Variants in EBF2 observed in about 807,000 individuals in gnomAD.
EBF2 encodes the protein EBF transcription factor 2, also known as transcription factor COE2.
A neutral mutation model predicts 72.8 loss-of-function variants in EBF2; 21 were observed. The ratio of observed to expected loss-of-function variants is 0.29; its 90% CI spans 0.20 to 0.42. The LOEUF (loss-of-function observed/expected upper bound fraction) is 0.42. Among genes scored for constraint, EBF2 ranks in the 10% least tolerant of loss-of-function variants. The pLI is 1.00. For missense variants in EBF2, 637 were observed against 731.2 expected, an observed-to-expected ratio of 0.87 and a Z score of 1.49; for synonymous variants, 299 against 274.2, an observed-to-expected ratio of 1.09 and a Z score of -0.89.
intron 6 of EBF2, among the ~76,000 whole-genome samples, chr8:25,979,815 C>T (rs1160498601): frequency 6.6e-6 from 1 of 152,032 alleles, no homozygotes; most frequent in East Asian, 1.9e-4. Flanking sequence ...AATCCCAGTA[C>T]AGATAAAGGG....
At chr8:25,906,665 G>A (rs369422487) in intron 7 of EBF2, among the ~76,000 whole-genome samples, 10 of 152,148 alleles carry the variant, frequency 6.6e-5, no homozygotes, top group African/African-American at 1.4e-4. Flanking sequence ...TACTCAGGAG[G>A]GTGAGGCAGG....
At chr8:25,995,752 ATAG>A (rs1208244206) in intron 6 of EBF2, among the ~76,000 whole-genome samples, 3 of 152,142 alleles carry the variant, frequency 2.0e-5, no homozygotes, top group Non-Finnish European at 4.4e-5. Flanking sequence ...CACAAAACTA[ATAG>A]TAGGCGATAT....
At chr8:25,920,971 G>T (rs890240609) in intron 6 of EBF2, among the ~76,000 whole-genome samples, 7 of 152,114 alleles carry the variant, frequency 4.6e-5, no homozygotes, top group Non-Finnish European at 8.8e-5. Flanking sequence ...TAGAGAAACC[G>T]AGATGGTAAT....
intron 7 of EBF2, among the ~76,000 whole-genome samples, chr8:25,890,660 C>T (rs752347015): frequency 7.9e-5 from 12 of 152,186 alleles, no homozygotes; most frequent in Non-Finnish European, 1.3e-4. Context: ...GAGATATAGG[C>T]ACACATCCCT....
chr8:26,002,726 C>T (rs1046076386), intron 6 of EBF2, among the ~76,000 whole-genome samples: 21 of 152,132 alleles, frequency 1.4e-4, no homozygotes, highest in African/African-American at 3.9e-4. Context: ...AGTAATGGCC[C>T]GATTCTTCCC....
intron 6 of EBF2, among the ~76,000 whole-genome samples, chr8:25,948,081 A>G (rs1291777059): frequency 6.6e-6 from 1 of 152,214 alleles, no homozygotes; most frequent in African/African-American, 2.4e-5. Flanking sequence ...GCATTCATTC[A>G]TTCATTCATT....
rs76172524 is a variant in EBF2 at position 25,991,323 on chromosome 8, A to G, written c.551+41762T>C. ...AGCAAGAATATATCACAGAAATCCA[A>G]TCACAATAAGCCTCACAGAGAGAAG... On this transcript the variant is annotated intron_variant, in intron 6 of 15. Transcript: ENST00000520164. 9.8e-3 allele frequency among the ~76,000 whole-genome samples: 1,495 copies of G among 152,330 alleles called. 18 individuals are homozygous for G. Among genetic ancestry groups the G allele is most frequent in the South Asian group, 0.024 (118 of 4,824 alleles).
At chr8:25,963,443 C>G (rs1257561341) in intron 6 of EBF2, among the ~76,000 whole-genome samples, 1 of 152,216 alleles carries the variant, frequency 6.6e-6, no homozygotes, top group Admixed American at 6.5e-5. Context: ...ATACTTCTTT[C>G]CATCATTAAT....
intron 6 of EBF2, among the ~76,000 whole-genome samples, chr8:26,010,995 ACACAC>A (rs1229197327): frequency 1.1e-4 from 1 of 8,720 alleles, no homozygotes; most frequent in Non-Finnish European, 2.3e-4. Flanking sequence ...GCATACACAC[ACACAC>A]ACACACACAC....
intron 6 of EBF2, among the ~76,000 whole-genome samples, chr8:25,930,180 A>T (rs773127678): frequency 6.6e-6 from 1 of 152,130 alleles, no homozygotes; most frequent in African/African-American, 2.4e-5. Flanking sequence ...AGAATCAGGT[A>T]TACTTCTTGA....
intron 6 of EBF2, among the ~76,000 whole-genome samples, chr8:25,998,349 A>C (rs963111747): frequency 6.6e-6 from 1 of 152,236 alleles, no homozygotes; most frequent in Non-Finnish European, 1.5e-5. Flanking sequence ...TCAGGAGAAG[A>C]GAGAAACTGG....
chr8:25,882,542 G>A (rs1802621641), intron 10 of EBF2, among the ~76,000 whole-genome samples: 1 of 152,052 alleles, frequency 6.6e-6, no homozygotes, highest in Non-Finnish European at 1.5e-5. Flanking sequence ...TCAGTAAATG[G>A]TATAAACCCA....
At chr8:25,947,030 A>G (rs1465328405) in intron 6 of EBF2, among the ~76,000 whole-genome samples, 1 of 152,172 alleles carries the variant, frequency 6.6e-6, no homozygotes, top group African/African-American at 2.4e-5. Context: ...TCTTGCCTGA[A>G]TTACTGATAA....
intron 6 of EBF2, among the ~76,000 whole-genome samples, chr8:25,945,122 A>C: frequency 9.6e-6 from 1 of 103,810 alleles, no homozygotes; most frequent in African/African-American, 3.9e-5. Flanking sequence ...CCTATGTTCC[A>C]AGCTTCTTCA....
At chr8:26,039,446 C>G (rs915290642) in intron 5 of EBF2, among the ~76,000 whole-genome samples, 1 of 152,296 alleles carries the variant, frequency 6.6e-6, no homozygotes. Context: ...CTGGACTGAT[C>G]TTTCTTCCAG....
intron 6 of EBF2, among the ~76,000 whole-genome samples, chr8:25,983,271 G>T (rs1035701962): frequency 6.6e-6 from 1 of 152,126 alleles, no homozygotes; most frequent in African/African-American, 2.4e-5. Flanking sequence ...CATTGAGTGT[G>T]AAAGTTAAAA....
intron 6 of EBF2, among the ~76,000 whole-genome samples, chr8:26,031,190 T>G (rs974417814): frequency 6.6e-6 from 1 of 152,018 alleles, no homozygotes; most frequent in African/African-American, 2.4e-5. Flanking sequence ...AAGCTAAAGA[T>G]AGTGGAAAAG....
At chr8:25,858,943 G>C (rs1024335197) in intron 13 of EBF2, among the ~76,000 whole-genome samples, 1 of 152,204 alleles carries the variant, frequency 6.6e-6, no homozygotes, top group East Asian at 1.9e-4. Context: ...ACAGGTGTGA[G>C]CCAGTGCGCC....
intron 10 of EBF2, among the ~76,000 whole-genome samples, chr8:25,882,345 A>C (rs2117285046): frequency 6.6e-6 from 1 of 152,222 alleles, no homozygotes; most frequent in African/African-American, 2.4e-5. Context: ...GAATAATATA[A>C]ATAATAAACC....
Sources: allele counts gnomAD v4.1 joint callset (sites outside exome capture counted in the v4.1 genomes callset), GRCh38; gene constraint gnomAD v4.1.1; transcripts MANE v1.5; gene names NCBI Gene and HGNC (gene_info 2026-07-23, HGNC 2026-07-21).